Variants in TAFA2 observed in about 807,000 individuals in gnomAD.
TAFA2 encodes the protein chemokine-like protein TAFA-2.
Under a neutral mutation model 18.8 loss-of-function variants are expected in TAFA2, and 7 were observed. The ratio of observed to expected loss-of-function variants is 0.37; its 90% CI spans 0.21 to 0.70. The LOEUF is 0.70. Ranked by LOEUF, TAFA2 falls within the 30% of genes least tolerant of loss-of-function variation. The pLI, the probability that TAFA2 is intolerant of heterozygous loss-of-function variation, is 0.53. For missense variants in TAFA2, 122 were observed against 158.1 expected, an observed-to-expected ratio of 0.77 and a Z score of 1.23; for synonymous variants, 60 against 54.2, an observed-to-expected ratio of 1.11 and a Z score of -0.47.
At chr12:62,234,185 C>A (rs2062825006) in intron 1 of TAFA2, among the ~76,000 whole-genome samples, 1 of 152,274 alleles carries the variant, frequency 6.6e-6, no homozygotes, top group Admixed American at 6.5e-5. Flanking sequence ...GACTGAGGCA[C>A]CTCCTTGAGA....
At chr12:62,234,804 C>G in intron 1 of TAFA2, 1 of 1,018,366 alleles carries the variant, frequency 9.8e-7, no homozygotes, top group South Asian at 1.3e-5. Flanking sequence ...TAGGAATGGG[C>G]CTGCTTGGGA....
intron 1 of TAFA2, among the ~76,000 whole-genome samples, chr12:62,182,029 A>T (rs1435745072): frequency 6.7e-6 from 1 of 149,570 alleles, no homozygotes; most frequent in Non-Finnish European, 1.5e-5. Flanking sequence ...CAAGTAGAAC[A>T]AAAACCTAGA....
chr12:61,741,145 T>C (rs183928752), intron 4 of TAFA2, among the ~76,000 whole-genome samples: 23 of 152,198 alleles, frequency 1.5e-4, no homozygotes, highest in Non-Finnish European at 2.8e-4. Flanking sequence ...TGGTATCAGG[T>C]TCCAATATTC....
intron 2 of TAFA2, among the ~76,000 whole-genome samples, chr12:61,829,034 C>A (rs1872623207): frequency 1.3e-5 from 2 of 151,630 alleles, no homozygotes; most frequent in Non-Finnish European, 3.0e-5. Context: ...AGTTTATTTT[C>A]CCAATTATAA....
At chr12:61,782,057 G>T (rs1426407160) in intron 2 of TAFA2, among the ~76,000 whole-genome samples, 1 of 151,650 alleles carries the variant, frequency 6.6e-6, no homozygotes, top group African/African-American at 2.4e-5. Flanking sequence ...TGGAATACAT[G>T]CCTACTAAAG....
At chr12:62,078,767 C>T (rs1438187026) in intron 1 of TAFA2, among the ~76,000 whole-genome samples, 1 of 152,152 alleles carries the variant, frequency 6.6e-6, no homozygotes, top group Non-Finnish European at 1.5e-5. Context: ...TTAAACCTTG[C>T]CTGAGAAAAA....
At chr12:61,862,032 T>C (rs1385377047) in intron 2 of TAFA2, among the ~76,000 whole-genome samples, 1 of 152,180 alleles carries the variant, frequency 6.6e-6, no homozygotes, top group Non-Finnish European at 1.5e-5. Context: ...TAAAAATTCT[T>C]TTCCAAACCC....
At chr12:61,778,773 T>C (rs796972845) in intron 2 of TAFA2, among the ~76,000 whole-genome samples, 33 of 152,036 alleles carry the variant, frequency 2.2e-4, no homozygotes, top group African/African-American at 7.2e-4. Context: ...AACTTCTATT[T>C]CTTCTTTTGG....
intron 1 of TAFA2, among the ~76,000 whole-genome samples, chr12:62,089,662 C>T (rs1255507942): frequency 6.6e-6 from 1 of 151,918 alleles, no homozygotes; most frequent in Admixed American, 6.6e-5. Flanking sequence ...TTTATGGCAA[C>T]CTGCCCCAAT....
At chr12:61,776,043 G>A in intron 2 of TAFA2, 2 of 388,748 alleles carry the variant, frequency 5.1e-6, no homozygotes, top group South Asian at 2.4e-5. Flanking sequence ...TGATATTGTA[G>A]ACATAAGGGA....
At chr12:62,044,812 A>G (rs769301346) in intron 1 of TAFA2, among the ~76,000 whole-genome samples, 11 of 152,172 alleles carry the variant, frequency 7.2e-5, no homozygotes, top group Non-Finnish European at 1.3e-4. Flanking sequence ...TCTCCCAGAT[A>G]TAATGGAAAA....
intron 1 of TAFA2, among the ~76,000 whole-genome samples, chr12:62,083,105 C>G (rs187410517): frequency 2.2e-4 from 33 of 152,088 alleles, no homozygotes; most frequent in Non-Finnish European, 4.6e-4. Flanking sequence ...GCTCTGTTAC[C>G]CAGTAAATAT....
chr12:61,962,254 G>C (rs947067365), intron 1 of TAFA2, among the ~76,000 whole-genome samples: 3 of 151,934 alleles, frequency 2.0e-5, no homozygotes, highest in African/African-American at 7.2e-5. Flanking sequence ...ATTCAAAGCA[G>C]AACTCAAGTA....
chr12:61,940,203 T>C (rs1592501344), intron 1 of TAFA2, among the ~76,000 whole-genome samples: 1 of 152,216 alleles, frequency 6.6e-6, no homozygotes, highest in Non-Finnish European at 1.5e-5. Flanking sequence ...CATAGACATG[T>C]AATGTGTGCA....
chr12:62,136,830 T>C (rs910691166), intron 1 of TAFA2, among the ~76,000 whole-genome samples: 10 of 152,162 alleles, frequency 6.6e-5, no homozygotes, highest in Non-Finnish European at 1.2e-4. Flanking sequence ...AGAACAGTAA[T>C]TGGTAATGTT....
chr12:62,090,689 C>A (rs1046861600), intron 1 of TAFA2, among the ~76,000 whole-genome samples: 4 of 150,774 alleles, frequency 2.7e-5, no homozygotes, highest in Non-Finnish European at 5.9e-5. Context: ...CCTTTTTGTT[C>A]TTGCTGAACA....
intron 1 of TAFA2, among the ~76,000 whole-genome samples, chr12:62,046,924 G>A (rs2136768003): frequency 6.6e-6 from 1 of 151,834 alleles, no homozygotes; most frequent in South Asian, 2.1e-4. Flanking sequence ...ATTTTAGGTT[G>A]GAGGGTACAT....
At chr12:62,130,565 T>C (rs916494739) in intron 1 of TAFA2, among the ~76,000 whole-genome samples, 3 of 151,956 alleles carry the variant, frequency 2.0e-5, no homozygotes, top group African/African-American at 7.2e-5. Flanking sequence ...TATTTCAACT[T>C]TGTGACTATT....
Position 61,937,160 on chromosome 12 carries a change from C to T in TAFA2, c.-1-69734G>A, listed in dbSNP as rs941134321. On this transcript the variant is annotated intron_variant, in intron 1 of 4. Coordinates refer to ENST00000416284, the MANE Select transcript of TAFA2 (RefSeq NM_178539.5). ...CACTGCTGAAAGAAATCATATGACACGAACAAATGGAAATGCATCCCAGGT... is the reference window on the plus strand; with the variant it reads ...CACTGCTGAAAGAAATCATATGACATGAACAAATGGAAATGCATCCCAGGT... 1.4e-4 allele frequency among the ~76,000 whole-genome samples: 21 copies of T among 152,116 alleles called. No individual in the cohort carries two copies. The East Asian group carries it at 1.5e-3, about 11-fold the overall frequency.
Sources: allele counts gnomAD v4.1 joint callset (sites outside exome capture counted in the v4.1 genomes callset), GRCh38; gene constraint gnomAD v4.1.1; transcripts MANE v1.5; gene names NCBI Gene and HGNC (gene_info 2026-07-23, HGNC 2026-07-21).